Variants in ROBO2 observed in about 807,000 individuals in gnomAD.
ROBO2 encodes the protein roundabout guidance receptor 2, also known as roundabout homolog 2.
In ROBO2, 53 loss-of-function variants were observed where a neutral mutation model predicts 160.8. The ratio of observed to expected loss-of-function variants is 0.33; its 90% CI spans 0.26 to 0.41. The LOEUF (loss-of-function observed/expected upper bound fraction) is 0.41. ROBO2 is among the 10% of genes least tolerant of loss of function. ROBO2 has a pLI of 1.00. For missense variants in ROBO2, 1,577 were observed against 1,722.4 expected, an observed-to-expected ratio of 0.92 and a Z score of 1.49; for synonymous variants, 664 against 611.7, an observed-to-expected ratio of 1.09 and a Z score of -1.26.
chr3:75,916,401 A>G (rs949536008), intron 1 of ROBO2, among the ~76,000 whole-genome samples: 60 of 152,270 alleles, frequency 3.9e-4, no homozygotes, highest in African/African-American at 1.3e-3. Flanking sequence ...TAAAATATCA[A>G]ATGATCAATG....
intron 2 of ROBO2, among the ~76,000 whole-genome samples, chr3:76,261,488 T>C (rs964875958): frequency 6.6e-6 from 1 of 152,036 alleles, no homozygotes; most frequent in Admixed American, 6.6e-5. Flanking sequence ...ATGTTCACAA[T>C]TTGGATTTAA....
At chr3:76,097,858 G>T (rs528055880) in intron 2 of ROBO2, among the ~76,000 whole-genome samples, 1 of 151,984 alleles carries the variant, frequency 6.6e-6, no homozygotes, top group Non-Finnish European at 1.5e-5. Flanking sequence ...GGTCAAGTTG[G>T]GTTTAGGAAT....
chr3:77,100,805 C>A (rs558907640), intron 2 of ROBO2, among the ~76,000 whole-genome samples: 2 of 151,928 alleles, frequency 1.3e-5, no homozygotes, highest in African/African-American at 4.8e-5. Flanking sequence ...TACGCAAATC[C>A]GGAGGGAAGA....
intron 2 of ROBO2, among the ~76,000 whole-genome samples, chr3:76,562,589 C>G (rs1184421165): frequency 6.6e-6 from 1 of 152,072 alleles, no homozygotes; most frequent in Non-Finnish European, 1.5e-5. Flanking sequence ...TCTACTCTTA[C>G]AAAACAACCA....
intron 2 of ROBO2, among the ~76,000 whole-genome samples, chr3:76,063,598 G>C (rs1007635148): frequency 6.6e-6 from 1 of 151,156 alleles, no homozygotes; most frequent in African/African-American, 2.4e-5. Context: ...CTCCCATTTC[G>C]ACCTCCCAAA....
rs1371751211 is a variant in ROBO2, at chr3:77,215,760, T to C, written c.388+117420T>C. On this transcript the variant is annotated intron_variant, in intron 2 of 25. Transcript: ENST00000461745. ...TGGTGACGTACAGATGGGGTTTTGG[T>C]GTGGATGTCCTTTCTGTTTGTTAGT... is the stretch of plus-strand genomic sequence containing the variant. Among the ~76,000 whole-genome samples the C allele has an allele frequency of 2.6e-5, 4 of 152,170 alleles. No individual in the cohort carries two copies. In the East Asian group the frequency reaches 7.7e-4, roughly 29 times the overall value.
At chr3:77,237,411 T>TTG (rs71104662) in intron 2 of ROBO2, among the ~76,000 whole-genome samples, 2,845 of 131,084 alleles carry the variant, frequency 0.022, 61 homozygotes, top group African/African-American at 0.059. Flanking sequence ...TTGTTTTGTT[T>TTG]TGTGTGTGTG....
At chr3:76,346,122 T>G (rs2074513933) in intron 2 of ROBO2, among the ~76,000 whole-genome samples, 1 of 152,258 alleles carries the variant, frequency 6.6e-6, no homozygotes, top group Middle Eastern at 3.4e-3. Context: ...AGCTTCCCTC[T>G]TGGGACCACT....
intron 2 of ROBO2, among the ~76,000 whole-genome samples, chr3:76,082,870 AT>A (rs896702380): frequency 2.0e-5 from 3 of 151,850 alleles, no homozygotes; most frequent in African/African-American, 7.3e-5. Flanking sequence ...TAAATCAATG[AT>A]TTTTTTTCAA....
chr3:77,294,354 A>T (rs1290056540), intron 2 of ROBO2, among the ~76,000 whole-genome samples: 14 of 143,632 alleles, frequency 9.7e-5, no homozygotes, highest in African/African-American at 5.5e-5. Flanking sequence ...ATAAAGTAAA[A>T]TTGATGGTTA....
At chr3:75,926,122 T>C (rs1378322679) in intron 1 of ROBO2, among the ~76,000 whole-genome samples, 1 of 152,166 alleles carries the variant, frequency 6.6e-6, no homozygotes, top group Admixed American at 6.5e-5. Flanking sequence ...CTCCAAAGAA[T>C]AGAGGTTTTG....
chr3:77,378,342 A>G (rs529499049), intron 2 of ROBO2, among the ~76,000 whole-genome samples: 6 of 152,312 alleles, frequency 3.9e-5, no homozygotes, highest in Non-Finnish European at 7.4e-5. Context: ...GTAGGTGATG[A>G]TGTTATCCCC....
chr3:76,674,466 A>G (rs1027373709), intron 2 of ROBO2, among the ~76,000 whole-genome samples: 1 of 152,016 alleles, frequency 6.6e-6, no homozygotes, highest in Non-Finnish European at 1.5e-5. Context: ...GCTTTACCCA[A>G]GGGAACCCAG....
intron 2 of ROBO2, among the ~76,000 whole-genome samples, chr3:77,435,447 T>C (rs2079182021): frequency 6.6e-6 from 1 of 152,144 alleles, no homozygotes; most frequent in South Asian, 2.1e-4. Context: ...TTTTAAAAAA[T>C]TTAAATTTCT....
At chr3:76,182,141 T>C (rs1331285399) in intron 2 of ROBO2, among the ~76,000 whole-genome samples, 1 of 152,148 alleles carries the variant, frequency 6.6e-6, no homozygotes, top group African/African-American at 2.4e-5. Flanking sequence ...AATTAATATA[T>C]TTTCAATGAA....
chr3:77,013,609 C>T (rs1578251201), intron 2 of ROBO2, among the ~76,000 whole-genome samples: 2 of 152,006 alleles, frequency 1.3e-5, no homozygotes, highest in East Asian at 3.9e-4. Flanking sequence ...GTTGCTTCCT[C>T]CATTGGTGTA....
intron 2 of ROBO2, among the ~76,000 whole-genome samples, chr3:76,089,729 C>T (rs547568851): frequency 2.0e-5 from 3 of 152,132 alleles, no homozygotes; most frequent in East Asian, 1.9e-4. Context: ...TAATATCATA[C>T]GTAACAGTGA....
chr3:76,229,676 C>G (rs1479395216), intron 2 of ROBO2, among the ~76,000 whole-genome samples: 1 of 151,820 alleles, frequency 6.6e-6, no homozygotes, highest in Admixed American at 6.6e-5. Flanking sequence ...TTTGTTTTGT[C>G]CTATTTATCC....
chr3:77,412,073 A>G (rs571224617), intron 2 of ROBO2, among the ~76,000 whole-genome samples: 26 of 152,326 alleles, frequency 1.7e-4, no homozygotes, highest in African/African-American at 6.0e-4. Flanking sequence ...TTCTATTTAG[A>G]AGAGGAGAGT....
Sources: gnomAD v4.1 joint callset for allele counts (sites outside exome capture counted in the v4.1 genomes callset) on GRCh38, gnomAD v4.1.1 for gene constraint, MANE v1.5 for transcripts, NCBI Gene and HGNC (gene_info 2026-07-23, HGNC 2026-07-21) for gene names.